The following PPTC7 variants were observed in gnomAD, a reference collection of about 807,000 sequenced individuals.
PPTC7 encodes protein phosphatase targeting COQ7.
A neutral mutation model predicts 30.8 loss-of-function variants in PPTC7; 6 were observed. The ratio of observed to expected loss-of-function variants is 0.19; its 90% confidence interval spans 0.11 to 0.38. The LOEUF (loss-of-function observed/expected upper bound fraction) is 0.38, where lower values mean the gene tolerates loss of function less well. PPTC7 is among the 10% of genes least tolerant of loss of function. The pLI is 1.00. For missense variants in PPTC7, 218 were observed against 404.8 expected, an observed-to-expected ratio of 0.54 and a Z score of 3.96; for synonymous variants, 163 against 168.1, an observed-to-expected ratio of 0.97 and a Z score of 0.23.
chr12:110,534,234 TA>T lies in PPTC7; in HGVS notation c.*2802del, dbSNP rs971003195. On this transcript the variant is annotated 3_prime_UTR_variant, in exon 6 of 6. Transcript: ENST00000354300. ...CAAAATAAAAATTTCAAGCATGTGATAAAAATATTGATTTTTATAATACAGT... is the reference window on the plus strand; with the variant it reads ...CAAAATAAAAATTTCAAGCATGTGATAAAATATTGATTTTTATAATACAGT... The T allele has an allele frequency of 5.8e-4, 88 of 152,282 alleles. No individual in the cohort carries two copies. The highest frequency in any genetic ancestry group is 2.1e-3 in the African/African-American group (86 of 41,564). 9.4% of individuals were successfully genotyped at this position (152,282 alleles called of 1,614,324 possible).
At position 110,542,694 on chromosome 12, in the gene PPTC7, A is replaced by AG. The variant is rs756303354; in HGVS notation, c.603-2750_603-2749insC. On this transcript the variant is annotated intron_variant, in intron 3 of 5. Transcript: ENST00000354300. ...GTCTCAAAAAAAAAAAAAAAAAAAAAAAAAAGAAAAAGAAACTAAAGAAAC... is the reference window on the plus strand; with the variant it reads ...GTCTCAAAAAAAAAAAAAAAAAAAAAGAAAAAGAAAAAGAAACTAAAGAAAC... 6.0e-3 allele frequency among the ~76,000 whole-genome samples: 882 copies of AG among 146,666 alleles called. 48 individuals carry two copies. Among genetic ancestry groups the AG allele is most frequent in the African/African-American group, 0.02 (791 of 38,776 alleles).
chr12:110,536,955 A>G lies in PPTC7; in HGVS notation c.*82T>C, dbSNP rs952646723. On this transcript the variant is annotated 3_prime_UTR_variant, in exon 6 of 6. Transcript: ENST00000354300. ...GGCCATTGAGATCAGTGGCAAAGAAATGTGGTCCTGCCAGCAGGATCAGCA... is the reference window on the plus strand; with the variant it reads ...GGCCATTGAGATCAGTGGCAAAGAAGTGTGGTCCTGCCAGCAGGATCAGCA... 9.7e-7 allele frequency: 1 copy of G among 1,029,610 alleles called. No individual in the cohort carries two copies. The highest frequency in any genetic ancestry group is 1.6e-5 in the African/African-American group (1 of 63,540). The allele number at this position is 1,029,610 out of a possible 1,614,324, so 63.8% of individuals were successfully genotyped here.
rs903288838 is a variant in PPTC7 at position 110,536,424 on chromosome 12, A to G, written c.*613T>C. Reference sequence around the variant, plus strand: ...ATTTCCATCCATAGAACTAAAATGGATTTTTCTCCCGATTTGTAACAAAAA... The same window carrying G: ...ATTTCCATCCATAGAACTAAAATGGGTTTTTCTCCCGATTTGTAACAAAAA... On this transcript the variant is annotated 3_prime_UTR_variant, in exon 6 of 6. Transcript: ENST00000354300. The G allele has an allele frequency of 2.6e-5, 4 of 152,190 alleles. No homozygotes were observed. Among genetic ancestry groups the G allele is most frequent in the Admixed American group, 2.0e-4 (3 of 15,280 alleles). The allele number at this position is 152,190 out of a possible 1,614,324, so 9.4% of individuals were successfully genotyped here.
chr12:110,566,598 T>C (rs868653480), intron 1 of PPTC7, among the ~76,000 whole-genome samples: 8 of 152,184 alleles, frequency 5.3e-5, no homozygotes, highest in Middle Eastern at 3.2e-3. Context: ...AAGTTAGAGT[T>C]ATGCCTATCT....
At chr12:110,547,118 G>A (rs192166502) in intron 2 of PPTC7, among the ~76,000 whole-genome samples, 24 of 152,204 alleles carry the variant, frequency 1.6e-4, no homozygotes, top group Admixed American at 1.5e-3. Context: ...ATAATTAGAA[G>A]GGCAAACAAG....
intron 1 of PPTC7, among the ~76,000 whole-genome samples, chr12:110,577,343 G>C (rs749039533): frequency 3.0e-4 from 45 of 151,826 alleles, no homozygotes; most frequent in Middle Eastern, 6.8e-3. Flanking sequence ...AATGAGAGTG[G>C]TGTCCTGACA....
At chr12:110,556,516 G>T (rs1468491052) in intron 1 of PPTC7, among the ~76,000 whole-genome samples, 1 of 152,190 alleles carries the variant, frequency 6.6e-6, no homozygotes, top group Non-Finnish European at 1.5e-5. Context: ...ACTGCAAAGA[G>T]CAAGAATACC....
chr12:110,572,367 G>A (rs548608955), intron 1 of PPTC7, among the ~76,000 whole-genome samples: 1 of 152,298 alleles, frequency 6.6e-6, no homozygotes, highest in East Asian at 1.9e-4. Flanking sequence ...CTTGAACCCG[G>A]GAGGTGGAGG....
chr12:110,537,341 C>T (rs889498318), intron 5 of PPTC7, among the ~76,000 whole-genome samples: 1 of 152,114 alleles, frequency 6.6e-6, no homozygotes, highest in Non-Finnish European at 1.5e-5. Context: ...AACAGGAGCT[C>T]TATTCAAACA....
In PPTC7 at chr12:110,551,974, G is replaced by A; in HGVS notation, c.224-6C>T. 1 of 1,587,700 alleles carries A rather than the reference G, an allele frequency of 6.3e-7. No homozygotes were observed. The highest frequency in any genetic ancestry group is 1.8e-5 in the Admixed American group (1 of 55,370). On this transcript the variant is annotated splice_polypyrimidine_tract_variant and splice_region_variant and intron_variant, in intron 1 of 5. Transcript: ENST00000354300. The stretch of plus-strand genomic sequence containing the variant: ...TCCTACACCATCTGCAACCCCTGAA[G>A]AAAAAACAAAAATTACAGTAAAAGA...
intron 3 of PPTC7, 55 bp from the exon 4 acceptor site, chr12:110,540,000 GA>G (rs1052348630): frequency 1.3e-5 from 20 of 1,550,510 alleles, no homozygotes; most frequent in Non-Finnish European, 1.7e-5. Context: ...CAGATGAGTT[GA>G]AAATGTCCTA....
intron 2 of PPTC7, among the ~76,000 whole-genome samples, chr12:110,547,259 G>A (rs967357769): frequency 1.3e-5 from 2 of 152,142 alleles, no homozygotes; most frequent in African/African-American, 4.8e-5. Context: ...GTAATACTCA[G>A]GAGTACAGGC....
At chr12:110,580,750 T>C (rs1212738231) in intron 1 of PPTC7, among the ~76,000 whole-genome samples, 1 of 151,534 alleles carries the variant, frequency 6.6e-6, no homozygotes, top group Non-Finnish European at 1.5e-5. Context: ...CATACAGATT[T>C]TTTATTTTAT....
chr12:110,565,950 G>A (rs540992155), intron 1 of PPTC7, among the ~76,000 whole-genome samples: 3 of 152,330 alleles, frequency 2.0e-5, no homozygotes, highest in East Asian at 3.9e-4. Context: ...AAGGATGAAA[G>A]AAAATGAGTT....
At chr12:110,561,313 T>A (rs1027716600) in intron 1 of PPTC7, among the ~76,000 whole-genome samples, 1 of 152,130 alleles carries the variant, frequency 6.6e-6, no homozygotes, top group African/African-American at 2.4e-5. Flanking sequence ...TTTCTTTTTT[T>A]TTTCTTTCTT....
rs771568104 is a variant in PPTC7 at position 110,582,831 on chromosome 12, C to A, written c.201G>T (p.Arg67=). The change falls in exon 1 of 6, where the codon CGG becomes CGT. Residue 67 remains arginine (R), a synonymous_variant. Transcript: ENST00000354300. ...CACCGAGCACGTCCGCGGAACGGTG[C>A]CGGGCCACGAAGCACGCGTCGTCCC... ...CYGDDACFVA[R]HRSADVLGVA... 4.1e-5 allele frequency: 64 copies of A among 1,564,074 alleles called. No individual in the cohort carries two copies. The East Asian group carries it at 1.5e-3, about 37-fold the overall frequency.
intron 1 of PPTC7, among the ~76,000 whole-genome samples, chr12:110,579,053 G>A (rs2064614226): frequency 6.6e-6 from 1 of 152,076 alleles, no homozygotes; most frequent in Admixed American, 6.6e-5. Context: ...GAAGGCTGAG[G>A]CACAAGAATC....
Position 110,536,911 on chromosome 12 carries a change from G to A in PPTC7, c.*126C>T. The stretch of plus-strand genomic sequence containing the variant: ...ATCTCAACGAGTCTCAAGAAGACAG[G>A]CAAAAGACTTACATCACTGGCCATT... On this transcript the variant is annotated 3_prime_UTR_variant, in exon 6 of 6. Coordinates refer to ENST00000354300, the MANE Select transcript of PPTC7 (RefSeq NM_139283.2). 2.8e-6 allele frequency: 2 copies of A among 703,600 alleles called. No individual in the cohort carries two copies. The highest frequency in any genetic ancestry group is 3.7e-5 in the South Asian group (2 of 53,928). 43.6% of individuals were successfully genotyped at this position (703,600 alleles called of 1,614,324 possible).
At chr12:110,564,805 GTA>G (rs1430841185) in intron 1 of PPTC7, among the ~76,000 whole-genome samples, 4 of 117,750 alleles carry the variant, frequency 3.4e-5, no homozygotes, top group African/African-American at 1.5e-4. Context: ...ATATATACAC[GTA>G]TATGTATATG....
Sources: gnomAD v4.1 joint callset for allele counts (sites outside exome capture counted in the v4.1 genomes callset) on GRCh38, gnomAD v4.1.1 for gene constraint, MANE v1.5 for transcripts, NCBI Gene and HGNC (gene_info 2026-07-23, HGNC 2026-07-21) for gene names.